The following EYS variants were observed in gnomAD, a reference collection of about 807,000 sequenced individuals.
EYS encodes the protein EGF-like photoreceptor maintenance factor, also known as protein eyes shut homolog.
Under a neutral mutation model 282.1 loss-of-function variants are expected in EYS, and 250 were observed. That is an observed-to-expected ratio of 0.89 (90% confidence interval 0.80 to 0.98). The LOEUF (loss-of-function observed/expected upper bound fraction) is 0.98, where lower values mean the gene tolerates loss of function less well. EYS is among the 50% of genes least tolerant of loss of function. The probability of loss-of-function intolerance (pLI) is 0.00; values close to 1 mark genes in which losing one functional copy is unlikely to be tolerated. For synonymous variants in EYS, 1,355 were observed against 1,282.9 expected (o/e 1.06, Z -1.20); for missense variants, 4,016 against 3,709.0 (o/e 1.08, Z -2.15).
intron 22 of EYS, among the ~76,000 whole-genome samples, chr6:64,657,225 CT>C (rs1418556363): frequency 1.1e-4 from 16 of 152,166 alleles, no homozygotes; most frequent in Non-Finnish European, 1.5e-5. Flanking sequence ...TCCTCCATCC[CT>C]TTATTTTGAG....
At chr6:65,440,074 T>A (rs1768251949) in intron 5 of EYS, among the ~76,000 whole-genome samples, 1 of 151,866 alleles carries the variant, frequency 6.6e-6, no homozygotes, top group Admixed American at 6.6e-5. Flanking sequence ...AGAGAAAAAA[T>A]TAAGTGATTC....
chr6:64,403,899 T>C (rs1186594290), intron 28 of EYS, among the ~76,000 whole-genome samples: 1 of 152,090 alleles, frequency 6.6e-6, no homozygotes, highest in Non-Finnish European at 1.5e-5. Flanking sequence ...AGAAACTGGA[T>C]TTTTTCAGAG....
intron 1 of EYS, among the ~76,000 whole-genome samples, chr6:65,649,260 G>A (rs2149817618): frequency 6.9e-6 from 1 of 145,634 alleles, no homozygotes; most frequent in South Asian, 2.2e-4. Context: ...TATGTGTTTT[G>A]TTTTGTTTGT....
intron 26 of EYS, among the ~76,000 whole-genome samples, chr6:64,515,761 T>A (rs1777541371): frequency 6.6e-6 from 1 of 151,584 alleles, no homozygotes; most frequent in Non-Finnish European, 1.5e-5. Context: ...AATACATTTT[T>A]AAAATGAAGG....
intron 26 of EYS, among the ~76,000 whole-genome samples, chr6:64,450,322 T>A (rs1775280976): frequency 6.6e-6 from 1 of 152,130 alleles, no homozygotes; most frequent in South Asian, 2.1e-4. Context: ...CCTAAATATA[T>A]ATGCACCCAA....
At chr6:65,376,164 T>C (rs575258585) in intron 8 of EYS, among the ~76,000 whole-genome samples, 1 of 152,214 alleles carries the variant, frequency 6.6e-6, no homozygotes, top group Non-Finnish European at 1.5e-5. Context: ...CCCATCAGAT[T>C]AACAGTGGGT....
chr6:65,670,466 C>T (rs990908716), intron 1 of EYS, among the ~76,000 whole-genome samples: 3 of 152,014 alleles, frequency 2.0e-5, no homozygotes, highest in African/African-American at 7.2e-5. Flanking sequence ...TCATATTAAA[C>T]TCTGTGTGTG....
chr6:64,066,126 A>G (rs1279633651), intron 33 of EYS, among the ~76,000 whole-genome samples: 1 of 152,056 alleles, frequency 6.6e-6, no homozygotes, highest in Non-Finnish European at 1.5e-5. Context: ...AACAACAAAA[A>G]ACTAGCCAGG....
intron 41 of EYS, among the ~76,000 whole-genome samples, chr6:63,729,200 C>T (rs1381827036): frequency 6.6e-6 from 1 of 151,940 alleles, no homozygotes; most frequent in Non-Finnish European, 1.5e-5. Flanking sequence ...TTAAGAATTC[C>T]TTGTTTACTT....
chr6:64,855,331 T>G (rs559474658), intron 19 of EYS, among the ~76,000 whole-genome samples: 1 of 152,286 alleles, frequency 6.6e-6, no homozygotes, highest in South Asian at 2.1e-4. Context: ...TCCATTCATA[T>G]TTATGATTGA....
chr6:64,861,704 T>C (rs76944475), intron 19 of EYS, among the ~76,000 whole-genome samples: 3,348 of 152,326 alleles, frequency 0.022, 60 homozygotes, highest in Non-Finnish European at 0.032. Context: ...CCTTATAATA[T>C]AACATTCCCA....
chr6:65,229,461 TG>T (rs1483130598), intron 12 of EYS, among the ~76,000 whole-genome samples: 25 of 151,778 alleles, frequency 1.6e-4, no homozygotes, highest in Admixed American at 4.6e-4. Flanking sequence ...AGGACCAAAT[TG>T]GTGGAGAAAA....
chr6:64,343,820 AAAG>A (rs1771241298), intron 29 of EYS, among the ~76,000 whole-genome samples: 2 of 152,128 alleles, frequency 1.3e-5, no homozygotes, highest in Admixed American at 1.3e-4. Flanking sequence ...CCAGACTAAT[AAAG>A]AAGAAAAGAG....
chr6:63,732,688 C>A (rs1185702132), intron 41 of EYS, among the ~76,000 whole-genome samples: 1 of 152,134 alleles, frequency 6.6e-6, no homozygotes, highest in Non-Finnish European at 1.5e-5. Flanking sequence ...GATTGGCTAT[C>A]CATCTTTTAG....
At chr6:65,120,735 G>A (rs2150195570) in intron 12 of EYS, among the ~76,000 whole-genome samples, 1 of 152,120 alleles carries the variant, frequency 6.6e-6, no homozygotes, top group Admixed American at 6.5e-5. Context: ...CCATTCTTTT[G>A]CTCAATTTTA....
intron 26 of EYS, among the ~76,000 whole-genome samples, chr6:64,480,942 T>G (rs1776418459): frequency 6.6e-6 from 1 of 151,728 alleles, no homozygotes; most frequent in Non-Finnish European, 1.5e-5. Flanking sequence ...GACTTTTTTT[T>G]CAGGTATTGA....
intron 26 of EYS, among the ~76,000 whole-genome samples, chr6:64,457,687 T>C (rs998811638): frequency 5.3e-5 from 8 of 152,032 alleles, no homozygotes; most frequent in Non-Finnish European, 1.0e-4. Flanking sequence ...TTTCTTTTGG[T>C]TTCCATTTTT....
chr6:64,001,194 A>G (rs1314342526), intron 33 of EYS, among the ~76,000 whole-genome samples: 1 of 152,240 alleles, frequency 6.6e-6, no homozygotes, highest in Admixed American at 6.5e-5. Flanking sequence ...GAAGGGAGAT[A>G]ATCATTCTAA....
chr6:65,433,116 G>A (rs1397192906), intron 5 of EYS, among the ~76,000 whole-genome samples: 1 of 152,112 alleles, frequency 6.6e-6, no homozygotes, highest in African/African-American at 2.4e-5. Context: ...ACAAAACTAT[G>A]GAGTCCATAG....
Sources: allele counts gnomAD v4.1 joint callset (sites outside exome capture counted in the v4.1 genomes callset), GRCh38; gene constraint gnomAD v4.1.1; transcripts MANE v1.5; gene names NCBI Gene and HGNC (gene_info 2026-07-23, HGNC 2026-07-21).